Variants in MAX observed in about 807,000 individuals in gnomAD.
The protein encoded by MAX is MYC associated transcriptional regulator X.
Under a neutral mutation model 22.3 loss-of-function variants are expected in MAX, and 3 were observed. That is an observed-to-expected ratio of 0.13 (90% CI 0.06 to 0.35). MAX has a LOEUF of 0.35. MAX is among the 10% of genes least tolerant of loss of function. MAX has a pLI of 1.00. For synonymous variants in MAX, 72 were observed against 77.7 expected (o/e 0.93, Z 0.39); for missense variants, 119 against 209.4 (o/e 0.57, Z 2.66).
At chr14:65,049,126 A>T (rs1448956733) in intron 3 of MAX, among the ~76,000 whole-genome samples, 1 of 27,698 alleles carries the variant, frequency 3.6e-5, no homozygotes, top group African/African-American at 2.7e-4. Flanking sequence ...GACTCCGTCT[A>T]AAAAAAAAAA....
chr14:65,053,292 A>G, intron 3 of MAX: 2 of 1,468,606 alleles, frequency 1.4e-6, no homozygotes, highest in Non-Finnish European at 1.8e-6. Flanking sequence ...GCCCTGCAGG[A>G]GTACATCCTG....
chr14:65,018,610 G>C (rs2139537473), intron 3 of MAX, among the ~76,000 whole-genome samples: 1 of 152,128 alleles, frequency 6.6e-6, no homozygotes, highest in South Asian at 2.1e-4. Flanking sequence ...AAGAGTTCGA[G>C]ACCAGCCTGG....
At position 65,029,984 on chromosome 14, in the gene MAX, A is replaced by G. The variant is rs1234972926; in HGVS notation, c.172-23700T>C. 3.3e-5 allele frequency among the ~76,000 whole-genome samples: 5 copies of G among 152,170 alleles called. No individual in the cohort carries two copies. The highest frequency in any genetic ancestry group is 7.3e-5 in the Non-Finnish European group (5 of 68,032). ...GATGGAAAGTTAGTGGACAAATTCAAATTTGAGAGCTGCGATGACTGGGTG... is the reference window on the plus strand; with the variant it reads ...GATGGAAAGTTAGTGGACAAATTCAGATTTGAGAGCTGCGATGACTGGGTG... On this transcript the variant is annotated intron_variant, in intron 3 of 3. Coordinates refer to the MAX transcript ENST00000341653. The surrounding 1 kb of genome is among the most constrained non-coding windows in gnomAD (Gnocchi z 4.7).
chr14:65,045,136 A>C (rs902925916), intron 3 of MAX, among the ~76,000 whole-genome samples: 2 of 151,978 alleles, frequency 1.3e-5, no homozygotes, highest in African/African-American at 2.4e-5. Context: ...TTCTCTCTCT[A>C]TCTCTTGAAA....
rs576969892 is a variant in MAX, at chr14:65,083,756, A to G, written c.172-5720T>C. The G allele has an allele frequency of 1.1e-4, 124 of 1,090,740 alleles. No individual in the cohort carries two copies. In the African/African-American group the frequency reaches 1.8e-3, roughly 15 times the overall value. The allele number at this position is 1,090,740 out of a possible 1,614,324, so 67.6% of individuals were successfully genotyped here. A position where few individuals can be genotyped will look rare whatever the true frequency, so the allele number is the denominator to read the frequency against. On this transcript the variant is annotated intron_variant, in intron 3 of 4. Coordinates refer to ENST00000358664, the MANE Select transcript of MAX (RefSeq NM_002382.5). Reference sequence around the variant, plus strand: ...GGTACTGCTGGACTCAACAACTGACATCTGTTTTATTTTGTACTAGTTATT... The same window carrying G: ...GGTACTGCTGGACTCAACAACTGACGTCTGTTTTATTTTGTACTAGTTATT...
chr14:65,101,411 C>T (rs1012450342), intron 2 of MAX, 135 bp downstream of exon 2: 2 of 794,084 alleles, frequency 2.5e-6, no homozygotes, highest in African/African-American at 3.5e-5. Flanking sequence ...GAACCAGGCC[C>T]CACCTCACCT....
chr14:65,091,628 A>G (rs1321043847), intron 3 of MAX, among the ~76,000 whole-genome samples: 1 of 152,192 alleles, frequency 6.6e-6, no homozygotes, highest in Non-Finnish European at 1.5e-5. Context: ...CCACACTTGC[A>G]TTCCCTCTGC....
At chr14:65,035,812 G>A (rs1477840888) in intron 3 of MAX, among the ~76,000 whole-genome samples, 2 of 151,738 alleles carry the variant, frequency 1.3e-5, no homozygotes, top group Non-Finnish European at 2.9e-5. Context: ...AGGATTACAG[G>A]CATGAGCCAC....
chr14:65,087,153 T>C (rs914238462), intron 3 of MAX, among the ~76,000 whole-genome samples: 1 of 152,172 alleles, frequency 6.6e-6, no homozygotes, highest in Non-Finnish European at 1.5e-5. Context: ...GGATGGAGTA[T>C]GGAAACACCT....
At position 65,012,435 on chromosome 14, in the gene MAX, A is replaced by G. The variant is rs2139512384; in HGVS notation, c.172-6151T>C. The G allele has an allele frequency of 6.2e-7, 1 of 1,610,128 alleles. No individual in the cohort carries two copies. Among genetic ancestry groups the G allele is most frequent in the East Asian group, 2.2e-5 (1 of 44,778 alleles). On this transcript the variant is annotated intron_variant, in intron 3 of 3. Coordinates refer to the MAX transcript ENST00000341653. The surrounding 1 kb of genome is among the most constrained non-coding windows in gnomAD (Gnocchi z 5.0). ...CTCTTGCTGTCAAATTATCCACCAAATCCTCCTCCTTTTTCTATTTAAACG... is the reference window on the plus strand; with the variant it reads ...CTCTTGCTGTCAAATTATCCACCAAGTCCTCCTCCTTTTTCTATTTAAACG...
chr14:65,081,986 CAAT>C (rs1300161704), intron 3 of MAX: 1 of 152,204 alleles, frequency 6.6e-6, no homozygotes, highest in Non-Finnish European at 1.5e-5. Context: ...ACACAAGTGA[CAAT>C]GATGATGGGG....
At chr14:65,049,451 G>A (rs2062559221) in intron 3 of MAX, among the ~76,000 whole-genome samples, 1 of 152,146 alleles carries the variant, frequency 6.6e-6, no homozygotes, top group Non-Finnish European at 1.5e-5. Flanking sequence ...GATTTAAAAG[G>A]TGGATTCCAG....
In MAX at chr14:65,007,597, G is replaced by A. The variant is rs1348641012; in HGVS notation, c.172-1313C>T. On this transcript the variant is annotated intron_variant, in intron 3 of 3. Coordinates refer to the MAX transcript ENST00000341653. The surrounding 1 kb of genome is among the most constrained non-coding windows in gnomAD (Gnocchi z 4.9). ...TCCCAGAAATGATTTTCTTCTCTAA[G>A]GTTGGGACTGTCTACCTGGAGTGAG... is the stretch of plus-strand genomic sequence containing the variant. 1.3e-5 allele frequency among the ~76,000 whole-genome samples: 2 copies of A among 152,182 alleles called. No homozygotes were observed. The highest frequency in any genetic ancestry group is 6.5e-5 in the Admixed American group (1 of 15,282).
intron 3 of MAX, among the ~76,000 whole-genome samples, chr14:65,086,998 G>A (rs537116299): frequency 6.6e-5 from 10 of 152,332 alleles, no homozygotes; most frequent in South Asian, 2.1e-4. Flanking sequence ...CACTCCAGTC[G>A]TGGCTGAAAG....
At chr14:65,070,602 G>T (rs555118258), downstream of MAX, among the ~76,000 whole-genome samples, 1 of 152,196 alleles carries the variant, frequency 6.6e-6, no homozygotes, top group East Asian at 1.9e-4. The surrounding 1 kb of genome is among the most constrained non-coding windows in gnomAD (Gnocchi z 4.4). Context: ...TTCTAGACAC[G>T]CCCATCCTGC....
At chr14:65,063,212 C>G (rs1283409091) in intron 3 of MAX, among the ~76,000 whole-genome samples, 4 of 152,178 alleles carry the variant, frequency 2.6e-5, no homozygotes, top group African/African-American at 9.7e-5. Context: ...TAATTCCTGC[C>G]CCCTGTGCTA....
chr14:65,102,175 C>T (rs1405879911), intron 1 of MAX, 129 bp downstream of exon 1: 5 of 1,525,138 alleles, frequency 3.3e-6, no homozygotes, highest in African/African-American at 1.4e-5. Flanking sequence ...CGGAGGCACT[C>T]CTGGCCCCGA....
chr14:65,102,687 C>G (rs1476417833), upstream of MAX: 3 of 629,008 alleles, frequency 4.8e-6, no homozygotes, highest in East Asian at 1.5e-4. Context: ...GCGACGCCAG[C>G]CCGGCTTGTT....
intron 3 of MAX, among the ~76,000 whole-genome samples, chr14:65,016,756 C>G (rs2061780631): frequency 1.3e-5 from 2 of 152,134 alleles, no homozygotes; most frequent in Admixed American, 1.3e-4. Context: ...AGAATTAGGC[C>G]ATTAACCCTT....
Sources: allele counts gnomAD v4.1 joint callset (sites outside exome capture counted in the v4.1 genomes callset), GRCh38; gene constraint gnomAD v4.1.1; non-coding constraint Gnocchi (gnomAD v3.1); transcripts MANE v1.5; gene names NCBI Gene and HGNC (gene_info 2026-07-23, HGNC 2026-07-21).